Variants in CSMD1 observed in about 807,000 individuals in gnomAD.
The protein encoded by CSMD1 is CUB and Sushi multiple domains 1, also known as CUB and sushi domain-containing protein 1.
Under a neutral mutation model 417.5 loss-of-function variants are expected in CSMD1, and 213 were observed. The ratio of observed to expected loss-of-function variants is 0.51; its 90% CI spans 0.46 to 0.57. CSMD1 has a LOEUF of 0.57. CSMD1 is among the 20% of genes least tolerant of loss of function. CSMD1 has a pLI of 0.00. For missense variants in CSMD1, 6,923 were observed against 4,529.7 expected (o/e 1.53, Z -15.17); for synonymous variants, 2,862 against 1,736.8 (o/e 1.65, Z -16.11).
chr8:3,574,904 G>C, intron 10 of CSMD1, 41 bp downstream of exon 10: 1 of 1,605,570 alleles, frequency 6.2e-7, no homozygotes, highest in Non-Finnish European at 8.5e-7. Flanking sequence ...CTATAAGAGT[G>C]CTGTGTGCAT....
chr8:3,396,740 C>A (rs1341634023), intron 16 of CSMD1, among the ~76,000 whole-genome samples: 1 of 151,946 alleles, frequency 6.6e-6, no homozygotes, highest in Non-Finnish European at 1.5e-5. Flanking sequence ...AGAAAAAACT[C>A]AATTATATAT....
chr8:4,273,520 G>C (rs139343173), intron 3 of CSMD1, among the ~76,000 whole-genome samples: 3 of 151,934 alleles, frequency 2.0e-5, no homozygotes, highest in African/African-American at 7.2e-5. Context: ...TAAGAATAGA[G>C]GACATTCTAT....
intron 54 of CSMD1, among the ~76,000 whole-genome samples, chr8:2,981,983 T>C (rs1462097086): frequency 2.6e-5 from 4 of 152,128 alleles, no homozygotes; most frequent in African/African-American, 9.7e-5. Flanking sequence ...TAGAGGTGAC[T>C]CATTAAGCTA....
intron 23 of CSMD1, among the ~76,000 whole-genome samples, chr8:3,330,270 G>C (rs879703510): frequency 3.9e-5 from 6 of 152,188 alleles, no homozygotes; most frequent in Admixed American, 6.5e-5. Flanking sequence ...AACATAAACT[G>C]TTCTACCATA....
At chr8:4,648,887 A>T (rs960233682) in intron 1 of CSMD1, among the ~76,000 whole-genome samples, 1 of 152,172 alleles carries the variant, frequency 6.6e-6, no homozygotes, top group Non-Finnish European at 1.5e-5. Flanking sequence ...CACAAAGGAT[A>T]AGAGTGTGCT....
intron 2 of CSMD1, among the ~76,000 whole-genome samples, chr8:4,599,764 TCA>T (rs1487064215): frequency 6.6e-6 from 1 of 152,178 alleles, no homozygotes; most frequent in East Asian, 1.9e-4. Context: ...ACAATAATTC[TCA>T]CAGTTCACAC....
At chr8:4,440,293 C>A (rs1036055615) in intron 2 of CSMD1, among the ~76,000 whole-genome samples, 41 of 152,076 alleles carry the variant, frequency 2.7e-4, no homozygotes, top group South Asian at 6.2e-4. Context: ...GTACTATAAC[C>A]AGAAAAATGG....
At chr8:4,920,178 T>A (rs1301761860) in intron 1 of CSMD1, among the ~76,000 whole-genome samples, 1 of 152,198 alleles carries the variant, frequency 6.6e-6, no homozygotes, top group Non-Finnish European at 1.5e-5. Flanking sequence ...CAATGCCTTT[T>A]CTAAGAGTCT....
intron 3 of CSMD1, among the ~76,000 whole-genome samples, chr8:4,123,197 G>C (rs1316196552): frequency 6.6e-6 from 1 of 152,226 alleles, no homozygotes; most frequent in African/African-American, 2.4e-5. Context: ...TGATGGAAGG[G>C]TTAGGAATTC....
chr8:3,687,626 C>T (rs1216906628), intron 7 of CSMD1, among the ~76,000 whole-genome samples: 2 of 152,190 alleles, frequency 1.3e-5, no homozygotes, highest in Non-Finnish European at 1.5e-5. Flanking sequence ...GGGTTCCGAG[C>T]ACTGTGCCCT....
chr8:3,415,600 C>G (rs1250468362), intron 12 of CSMD1, among the ~76,000 whole-genome samples: 2 of 152,200 alleles, frequency 1.3e-5, no homozygotes, highest in South Asian at 2.1e-4. Context: ...CTCAAGTGAT[C>G]TGCCCTCCTC....
intron 2 of CSMD1, among the ~76,000 whole-genome samples, chr8:4,627,513 A>C (rs1802188371): frequency 6.6e-6 from 1 of 152,180 alleles, no homozygotes; most frequent in Non-Finnish European, 1.5e-5. Flanking sequence ...GAAGGTATTA[A>C]ATAAAATAAC....
At chr8:3,486,634 G>C (rs1818050240) in intron 11 of CSMD1, among the ~76,000 whole-genome samples, 1 of 152,222 alleles carries the variant, frequency 6.6e-6, no homozygotes, top group African/African-American at 2.4e-5. Context: ...GCCCAGATTA[G>C]CTGAAATGGA....
chr8:3,128,918 G>A (rs750937862), intron 41 of CSMD1: 2 of 446,864 alleles, frequency 4.5e-6, no homozygotes, highest in Non-Finnish European at 8.9e-6. Context: ...AAGAGACAAA[G>A]GGAAAGCAGA....
At chr8:4,677,538 T>C (rs1474301189) in intron 1 of CSMD1, among the ~76,000 whole-genome samples, 1 of 152,192 alleles carries the variant, frequency 6.6e-6, no homozygotes, top group African/African-American at 2.4e-5. Flanking sequence ...TTCCTTATAA[T>C]CTGCACTACA....
intron 11 of CSMD1, among the ~76,000 whole-genome samples, chr8:3,481,563 T>G (rs754448899): frequency 1.3e-5 from 2 of 152,214 alleles, no homozygotes; most frequent in Non-Finnish European, 2.9e-5. Flanking sequence ...AAACTTACTT[T>G]TCAGATGAAA....
At position 2,998,142 on chromosome 8, in the gene CSMD1, G is replaced by T; in HGVS notation, c.8246C>A (p.Thr2749Asn). The T allele has an allele frequency of 6.2e-7, 1 of 1,614,038 alleles. No individual in the cohort carries two copies. Among genetic ancestry groups the T allele is most frequent in the Non-Finnish European group, 8.5e-7 (1 of 1,179,878 alleles). Residue 2749 changes from threonine (T) to asparagine (N), a missense_variant, in exon 54 of 70, where the codon ACT becomes AAT. Thr to Asn is a moderately conservative substitution (Grantham distance 65). Coordinates refer to ENST00000635120, the MANE Select transcript of CSMD1 (RefSeq NM_033225.6). ...ATTCAGGTTGAACTCACTGCCATTAGTGAATCCGTGGGCAGGGTTTCCAGG... is the reference window on the plus strand; with the variant it reads ...ATTCAGGTTGAACTCACTGCCATTATTGAATCCGTGGGCAGGGTTTCCAGG... ...GHPGNPAHGF[T>N]NGSEFNLNDV...
chr8:3,164,753 C>T (rs981362496), intron 37 of CSMD1, among the ~76,000 whole-genome samples: 2 of 152,066 alleles, frequency 1.3e-5, no homozygotes, highest in Non-Finnish European at 2.9e-5. Context: ...ATATCGATTA[C>T]AAAAACAGGT....
intron 1 of CSMD1, among the ~76,000 whole-genome samples, chr8:4,759,747 T>C (rs1398232239): frequency 6.6e-6 from 1 of 152,190 alleles, no homozygotes; most frequent in East Asian, 1.9e-4. Context: ...CAAGATCTCA[T>C]TCATTTTTAT....
Sources: gnomAD v4.1 joint callset for allele counts (sites outside exome capture counted in the v4.1 genomes callset) on GRCh38, gnomAD v4.1.1 for gene constraint, MANE v1.5 for transcripts, NCBI Gene and HGNC (gene_info 2026-07-23, HGNC 2026-07-21) for gene names.